RC3H1: variants seen among roughly 807,000 people sequenced by gnomAD.
RC3H1 encodes ring finger and CCCH-type domains 1, also known as roquin-1.
A neutral mutation model predicts 138.2 loss-of-function variants in RC3H1; 50 were observed. The ratio of observed to expected loss-of-function variants is 0.36; its 90% CI spans 0.29 to 0.46. The LOEUF is 0.46. RC3H1 is among the 20% of genes least tolerant of loss of function. RC3H1 has a pLI of 1.00. For missense variants in RC3H1, 1,031 were observed against 1,388.1 expected (o/e 0.74, Z 4.09); for synonymous variants, 462 against 489.1 (o/e 0.94, Z 0.73).
At chr1:173,972,313 G>A (rs1477716735) in intron 8 of RC3H1, among the ~76,000 whole-genome samples, 196 bp downstream of exon 8, 1 of 152,118 alleles carries the variant, frequency 6.6e-6, no homozygotes, top group African/African-American at 2.4e-5. Context: ...TGTCAATATT[G>A]TCAGATAAAG....
chr1:173,972,099 T>G (rs1276932164), intron 8 of RC3H1, among the ~76,000 whole-genome samples: 1 of 152,098 alleles, frequency 6.6e-6, no homozygotes, highest in East Asian at 1.9e-4. Context: ...CTATAGAAAT[T>G]TGAACAGTAT....
Position 173,970,406 on chromosome 1 carries a change from T to C in RC3H1, c.1334+99A>G, listed in dbSNP as rs150743090. The C allele has an allele frequency of 2.5e-4, 194 of 791,012 alleles. 1 individual carries two copies. The East Asian group carries it at 4.8e-3, about 20-fold the overall frequency. The allele number at this position is 791,012 out of a possible 1,614,324, so 49.0% of individuals were successfully genotyped here. A position where few individuals can be genotyped will look rare whatever the true frequency, so the allele number is the denominator to read the frequency against. ...TGTGTTACATTCTAAAAATGTCCTA[T>C]TCATTTAAGATAAAGCAGCTACTCT... On this transcript the variant is annotated intron_variant, in intron 9 of 19. Transcript: ENST00000367696.
At chr1:173,957,637 C>T (rs575202651) in intron 13 of RC3H1, among the ~76,000 whole-genome samples, 1 of 152,240 alleles carries the variant, frequency 6.6e-6, no homozygotes, top group South Asian at 2.1e-4. Context: ...ATAGCACGGA[C>T]CTCCCAGGTT....
chr1:174,010,806 T>C (rs550905085), intron 1 of RC3H1, among the ~76,000 whole-genome samples: 1 of 152,298 alleles, frequency 6.6e-6, no homozygotes, highest in East Asian at 1.9e-4. Context: ...GACAACTCAA[T>C]TTTTAAAAAG....
chr1:173,982,638 G>A, intron 5 of RC3H1, 89 bp downstream of exon 5: 1 of 1,157,832 alleles, frequency 8.6e-7, no homozygotes, highest in Non-Finnish European at 1.2e-6. Context: ...AAAGATACAG[G>A]CAACTTTATT....
At chr1:174,002,136 C>T (rs557677659) in intron 1 of RC3H1, among the ~76,000 whole-genome samples, 1 of 152,104 alleles carries the variant, frequency 6.6e-6, no homozygotes, top group African/African-American at 2.4e-5. Context: ...TATTTCAATC[C>T]CAAAATGAAA....
chr1:174,020,866 G>A (rs1014232034), intron 1 of RC3H1, among the ~76,000 whole-genome samples: 1 of 152,040 alleles, frequency 6.6e-6, no homozygotes, highest in Non-Finnish European at 1.5e-5. Context: ...AAAATCAGCC[G>A]GGCATGGTGG....
intron 7 of RC3H1, 75 bp from the exon 8 acceptor site, chr1:173,972,702 T>A (rs748109986): frequency 2.1e-6 from 2 of 958,274 alleles, no homozygotes; most frequent in Non-Finnish European, 3.4e-6. Flanking sequence ...AATAAAAGAG[T>A]TACTTGAAAA....
At chr1:173,980,667 T>C in intron 6 of RC3H1, 142 bp downstream of exon 6, 1 of 463,038 alleles carries the variant, frequency 2.2e-6, no homozygotes, top group Non-Finnish European at 3.8e-6. Context: ...AGTGGTATTA[T>C]AACGTGATTG....
intron 1 of RC3H1, among the ~76,000 whole-genome samples, chr1:174,006,573 A>C (rs1661656320): frequency 1.3e-5 from 2 of 152,208 alleles, no homozygotes; most frequent in South Asian, 4.1e-4. Flanking sequence ...TCCAACTTTG[A>C]GCACTTGTAA....
chr1:174,017,723 A>G lies in RC3H1; in HGVS notation c.-151+4373T>C, dbSNP rs187042756. 9.9e-4 allele frequency among the ~76,000 whole-genome samples: 150 copies of G among 150,864 alleles called. 1 individual carries two copies. Among genetic ancestry groups the G allele is most frequent in the Non-Finnish European group, 9.6e-4 (65 of 67,846 alleles). On this transcript the variant is annotated intron_variant, in intron 1 of 19. Transcript: ENST00000367696. ...GTTAATGTTATGTGACTTAACCTCA[A>G]TAAAAAAAATTATGTTAATCTGTAG...
Position 174,017,783 on chromosome 1 carries a change from C to CAAAAAAAAAAAAAAAAAAAAAAAAA in RC3H1, c.-151+4288_-151+4312dup, listed in dbSNP as rs61239660. ...ACCCCTTTAGAACTCTTTTCTTGCT[C>CAAAAAAAAAAAAAAAAAAAAAAAAA]AAAAAAAAAAAAAAAAAAAAAAAAA... On this transcript the variant is annotated intron_variant, in intron 1 of 19. Coordinates refer to ENST00000367696, the MANE Select transcript of RC3H1 (RefSeq NM_172071.4). Among the ~76,000 whole-genome samples, 15 of 72,032 alleles carry CAAAAAAAAAAAAAAAAAAAAAAAAA rather than the reference C, an allele frequency of 2.1e-4. 2 individuals are homozygous for CAAAAAAAAAAAAAAAAAAAAAAAAA. Among genetic ancestry groups the CAAAAAAAAAAAAAAAAAAAAAAAAA allele is most frequent in the African/African-American group, 8.0e-4 (14 of 17,528 alleles). 47.3% of individuals were successfully genotyped at this position (72,032 alleles called of 152,430 possible). A position where few individuals can be genotyped will look rare whatever the true frequency, so the allele number is the denominator to read the frequency against.
intron 5 of RC3H1, among the ~76,000 whole-genome samples, chr1:173,981,879 G>A (rs1188392422): frequency 4.0e-5 from 6 of 151,722 alleles, no homozygotes; most frequent in South Asian, 2.1e-4. Context: ...CAGCCTGGGC[G>A]ACAGAGCAAG....
In RC3H1 at chr1:173,987,419, A is replaced by T. The variant is rs554495731; in HGVS notation, c.232-2800T>A. Among the ~76,000 whole-genome samples, 7 of 152,328 alleles carry T rather than the reference A, an allele frequency of 4.6e-5. No homozygotes were observed. The South Asian group carries it at 1.5e-3, about 32-fold the overall frequency. The stretch of plus-strand genomic sequence containing the variant: ...TGTTCAAACTGTTTTAGCTTTGGCC[A>T]TTGAGAGCTCTTTCAGTTGGCTCCT... On this transcript the variant is annotated intron_variant, in intron 2 of 19. Coordinates refer to ENST00000367696, the MANE Select transcript of RC3H1 (RefSeq NM_172071.4).
At chr1:173,998,680 T>C (rs1312970500) in intron 1 of RC3H1, among the ~76,000 whole-genome samples, 1 of 152,208 alleles carries the variant, frequency 6.6e-6, no homozygotes, top group East Asian at 1.9e-4. Context: ...AATGTCTAAA[T>C]TCTGGTTAAG....
intron 1 of RC3H1, among the ~76,000 whole-genome samples, chr1:174,003,384 A>ATC (rs1278154560): frequency 2.8e-5 from 3 of 106,488 alleles, no homozygotes; most frequent in African/African-American, 5.1e-5. Context: ...CAAGACTCCT[A>ATC]TCACACACAC....
intron 13 of RC3H1, among the ~76,000 whole-genome samples, chr1:173,952,701 G>T (rs1348094394): frequency 1.3e-5 from 2 of 152,138 alleles, no homozygotes; most frequent in South Asian, 4.1e-4. Flanking sequence ...TCAATGAGAT[G>T]AAAAGGATGT....
chr1:173,983,761 G>C, intron 3 of RC3H1, 104 bp from the exon 4 acceptor site: 1 of 1,072,028 alleles, frequency 9.3e-7, no homozygotes, highest in Non-Finnish European at 1.4e-6. Context: ...CTAGTTCTGG[G>C]ACTACTAGAG....
At chr1:173,944,301 G>C (rs1258651378) in intron 17 of RC3H1, among the ~76,000 whole-genome samples, 2 of 151,968 alleles carry the variant, frequency 1.3e-5, no homozygotes, top group Non-Finnish European at 2.9e-5. Context: ...TGAAACCTCA[G>C]TAATGGCAAG....
Sources: allele counts gnomAD v4.1 joint callset (sites outside exome capture counted in the v4.1 genomes callset), GRCh38; gene constraint gnomAD v4.1.1; transcripts MANE v1.5; gene names NCBI Gene and HGNC (gene_info 2026-07-23, HGNC 2026-07-21).